FLT3: variants seen among roughly 807,000 people sequenced by gnomAD.
FLT3 encodes the protein fms related receptor tyrosine kinase 3, also known as receptor-type tyrosine-protein kinase FLT3.
A neutral mutation model predicts 126.6 loss-of-function variants in FLT3; 46 were observed. That is an observed-to-expected ratio of 0.36 (90% confidence interval 0.29 to 0.46). The LOEUF (loss-of-function observed/expected upper bound fraction) is 0.46, where lower values mean the gene tolerates loss of function less well. FLT3 is among the 20% of genes least tolerant of loss of function. The probability of loss-of-function intolerance (pLI) is 1.00; values close to 1 mark genes in which losing one functional copy is unlikely to be tolerated. For missense variants in FLT3, 1,069 were observed against 1,190.3 expected, an observed-to-expected ratio of 0.90 and a Z score of 1.50; for synonymous variants, 404 against 434.4, an observed-to-expected ratio of 0.93 and a Z score of 0.87.
intron 11 of FLT3, 112 bp downstream of exon 11, chr13:28,035,823 G>A: frequency 8.2e-7 from 1 of 1,218,294 alleles, no homozygotes; most frequent in Non-Finnish European, 1.2e-6. Context: ...GATTGAGAAG[G>A]TTAGCATTTT....
intron 9 of FLT3, among the ~76,000 whole-genome samples, chr13:28,038,960 G>A (rs1874092458): frequency 6.6e-6 from 1 of 152,096 alleles, no homozygotes; most frequent in African/African-American, 2.4e-5. Flanking sequence ...AAGTCCAGCA[G>A]ATGATCAAAG....
chr13:28,083,720 G>A (rs1878473895), intron 1 of FLT3, among the ~76,000 whole-genome samples: 2 of 152,118 alleles, frequency 1.3e-5, no homozygotes, highest in African/African-American at 2.4e-5. Context: ...GATAGTATGT[G>A]TCTTTTATTT....
rs189698192 is a variant in FLT3 at position 28,027,010 on chromosome 13, C to G, written c.2207+78G>C. 4 of 1,292,108 alleles carry G rather than the reference C, an allele frequency of 3.1e-6. No homozygotes were observed. In the East Asian group the frequency reaches 9.3e-5, roughly 30 times the overall value. The allele number at this position is 1,292,108 out of a possible 1,614,324, so 80.0% of individuals were successfully genotyped here. Reference sequence around the variant, plus strand: ...CTTCACGGTGCCTTTAGAAACTGGTCAACGAAGTGTGTTTGAACAGCACAC... The same window carrying G: ...CTTCACGGTGCCTTTAGAAACTGGTGAACGAAGTGTGTTTGAACAGCACAC... On this transcript the variant is annotated intron_variant, in intron 17 of 23. Coordinates refer to ENST00000241453, the MANE Select transcript of FLT3 (RefSeq NM_004119.3).
intron 4 of FLT3, among the ~76,000 whole-genome samples, chr13:28,054,773 C>T (rs890095924): frequency 6.6e-6 from 1 of 152,202 alleles, no homozygotes; most frequent in Non-Finnish European, 1.5e-5. Context: ...TGCTTGCCAT[C>T]TGGTACTGCC....
intron 9 of FLT3, among the ~76,000 whole-genome samples, chr13:28,048,032 A>T (rs1223898730): frequency 6.6e-6 from 1 of 152,228 alleles, no homozygotes; most frequent in Non-Finnish European, 1.5e-5. Context: ...CCAGACTCAA[A>T]CTAGACCAGA....
rs753870201 is a variant in FLT3 at position 28,037,226 on chromosome 13, T to C, written c.1268A>G (p.Asp423Gly). The C allele has an allele frequency of 8.7e-6, 14 of 1,611,158 alleles. No individual in the cohort carries two copies. Among genetic ancestry groups the C allele is most frequent in the Non-Finnish European group, 1.2e-5 (14 of 1,177,466 alleles). ...GAACATTTTGGTAAATTGGGCATCATCATTTTCTGCATGGAATATATATTC... is the reference window on the plus strand; with the variant it reads ...GAACATTTTGGTAAATTGGGCATCACCATTTTCTGCATGGAATATATATTC... ...PGEYIFHAEN[D>G]DAQFTKMFTL... is the part of the protein sequence containing the mutation. The change falls in exon 10 of 24, where the codon GAT becomes GGT. Residue 423 changes from aspartate (D) to glycine (G), a missense_variant. Transcript: ENST00000241453.
intron 15 of FLT3, among the ~76,000 whole-genome samples, chr13:28,031,207 GAC>G (rs1332524882): frequency 6.6e-6 from 1 of 152,032 alleles, no homozygotes; most frequent in Non-Finnish European, 1.5e-5. Context: ...CAGCCTGGGC[GAC>G]AGAGTGAGAC....
At position 28,015,407 on chromosome 13, in the gene FLT3, G is replaced by A. The variant is rs971066859; in HGVS notation, c.2654-151C>T. The A allele has an allele frequency of 5.1e-5, 37 of 729,126 alleles. 1 individual carries two copies. The highest frequency in any genetic ancestry group is 3.7e-4 in the South Asian group (24 of 65,104). 45.2% of individuals were successfully genotyped at this position (729,126 alleles called of 1,614,324 possible). ...CTGGGAAAAAGAAGTCACGGTTCAC[G>A]CTCTCAAGCAGGTTATAGACCAGTG... On this transcript the variant is annotated intron_variant, in intron 21 of 23. Coordinates refer to ENST00000241453, the MANE Select transcript of FLT3 (RefSeq NM_004119.3).
intron 10 of FLT3, among the ~76,000 whole-genome samples, 178 bp downstream of exon 10, chr13:28,037,007 A>C (rs187062723): frequency 9.6e-4 from 146 of 152,306 alleles, no homozygotes; most frequent in Non-Finnish European, 1.7e-3. Context: ...AACATAAAAA[A>C]TAAAAAGATA....
intron 4 of FLT3, among the ~76,000 whole-genome samples, chr13:28,054,601 T>G (rs1875842680): frequency 6.6e-6 from 1 of 152,022 alleles, no homozygotes; most frequent in Non-Finnish European, 1.5e-5. Flanking sequence ...CCCAATTCAA[T>G]ATGAGCAGCA....
In FLT3 at chr13:28,100,372, G is replaced by A; in HGVS notation, c.43+96C>T. 2.3e-6 allele frequency: 2 copies of A among 863,342 alleles called. No individual in the cohort carries two copies. Among genetic ancestry groups the A allele is most frequent in the Non-Finnish European group, 1.5e-6 (1 of 657,022 alleles). The allele number at this position is 863,342 out of a possible 1,614,324, so 53.5% of individuals were successfully genotyped here. On this transcript the variant is annotated intron_variant, in intron 1 of 23. Coordinates refer to ENST00000241453, the MANE Select transcript of FLT3 (RefSeq NM_004119.3). This position sits in a 1 kb window ranked among gnomAD's most constrained non-coding sequence, Gnocchi z 4.8. The stretch of plus-strand genomic sequence containing the variant: ...AAGGAGCGAGCGCGGGGAGGAGCGA[G>A]GCGGCTGGGCCGGAGGAGGCGCGCG...
intron 4 of FLT3, among the ~76,000 whole-genome samples, chr13:28,056,477 G>A (rs972261115): frequency 6.6e-6 from 1 of 152,190 alleles, no homozygotes; most frequent in African/African-American, 2.4e-5. Context: ...AAAGGCACGA[G>A]GACCTAAGTG....
At chr13:28,083,420 C>A (rs1878457294) in intron 1 of FLT3, among the ~76,000 whole-genome samples, 1 of 152,148 alleles carries the variant, frequency 6.6e-6, no homozygotes, top group African/African-American at 2.4e-5. Flanking sequence ...AGGATTGTTA[C>A]ATTTACACTC....
chr13:28,070,928 T>A (rs1186378762), intron 1 of FLT3, among the ~76,000 whole-genome samples: 1 of 151,950 alleles, frequency 6.6e-6, no homozygotes, highest in Non-Finnish European at 1.5e-5. Flanking sequence ...GAGGAAATGA[T>A]TATTTGTATA....
rs1290165441 is a variant in FLT3 at position 28,014,533 on chromosome 13, C to T, written c.2778G>A (p.Trp926Ter). ...ATGGCCGTTTCCTTGAGTCAAAAGC[C>T]CAGCAGGATTGCATTATAATGTATC... ...EEIYIIMQSC[W>*]AFDSRKRPSF... Residue 926 changes from tryptophan (W) to a stop codon, truncating the protein, a stop_gained, in exon 23 of 24, where the codon TGG becomes TGA. Coordinates refer to ENST00000241453, the MANE Select transcript of FLT3 (RefSeq NM_004119.3). LOFTEE classifies it high-confidence loss of function. 4 of 1,613,622 alleles carry T rather than the reference C, an allele frequency of 2.5e-6. No homozygotes were observed. Among genetic ancestry groups the T allele is most frequent in the Non-Finnish European group, 3.4e-6 (4 of 1,179,606 alleles).
At chr13:28,086,733 G>A (rs574508493) in intron 1 of FLT3, among the ~76,000 whole-genome samples, 2 of 150,898 alleles carry the variant, frequency 1.3e-5, no homozygotes, top group Non-Finnish European at 2.9e-5. Context: ...TTCAACCTCC[G>A]CCTCCCAGGT....
intron 1 of FLT3, among the ~76,000 whole-genome samples, chr13:28,087,477 A>G (rs1414664901): frequency 6.6e-6 from 1 of 152,128 alleles, no homozygotes; most frequent in African/African-American, 2.4e-5. Flanking sequence ...GGCTTTAACC[A>G]ATTTGATGAT....
intron 1 of FLT3, among the ~76,000 whole-genome samples, chr13:28,084,994 T>A (rs1257422973): frequency 9.2e-6 from 1 of 108,158 alleles, no homozygotes; most frequent in Non-Finnish European, 1.9e-5. Flanking sequence ...AAAAAAAAAA[T>A]TCACTGACAC....
At chr13:28,084,126 G>A (rs992108748) in intron 1 of FLT3, among the ~76,000 whole-genome samples, 8 of 151,672 alleles carry the variant, frequency 5.3e-5, no homozygotes, top group African/African-American at 1.7e-4. Context: ...CAACTAGTGA[G>A]GACTACAGAC....
Sources: allele counts gnomAD v4.1 joint callset (sites outside exome capture counted in the v4.1 genomes callset), GRCh38; gene constraint gnomAD v4.1.1; non-coding constraint Gnocchi (gnomAD v3.1); transcripts MANE v1.5; gene names NCBI Gene and HGNC (gene_info 2026-07-23, HGNC 2026-07-21).